ROBO2: variants seen among roughly 807,000 people sequenced by gnomAD.
The protein encoded by ROBO2 is roundabout homolog 2.
A neutral mutation model predicts 160.8 loss-of-function variants in ROBO2; 53 were observed. The ratio of observed to expected loss-of-function variants is 0.33; its 90% confidence interval spans 0.26 to 0.41. The LOEUF is 0.41. ROBO2 is among the 10% of genes least tolerant of loss of function. ROBO2 has a pLI of 1.00. For synonymous variants in ROBO2, 664 were observed against 611.7 expected (o/e 1.09, Z -1.26); for missense variants, 1,577 against 1,722.4 (o/e 0.92, Z 1.49).
At chr3:76,615,456 C>T (rs1243138813) in intron 2 of ROBO2, among the ~76,000 whole-genome samples, 1 of 151,956 alleles carries the variant, frequency 6.6e-6, no homozygotes, top group African/African-American at 2.4e-5. Flanking sequence ...CTTTTTAGTA[C>T]CATGAAATTC....
At chr3:76,562,677 C>T (rs1025213958) in intron 2 of ROBO2, among the ~76,000 whole-genome samples, 2 of 152,108 alleles carry the variant, frequency 1.3e-5, no homozygotes, top group African/African-American at 4.8e-5. Context: ...TAGTTTCTGC[C>T]ATTCATTTTT....
chr3:76,891,445 A>G (rs1314420055), intron 2 of ROBO2, among the ~76,000 whole-genome samples: 1 of 152,146 alleles, frequency 6.6e-6, no homozygotes, highest in Admixed American at 6.5e-5. Flanking sequence ...CTACTTTTCC[A>G]GCATTGTTTA....
intron 2 of ROBO2, among the ~76,000 whole-genome samples, chr3:77,474,680 A>G (rs2083773629): frequency 7.0e-6 from 1 of 142,978 alleles, no homozygotes; most frequent in Non-Finnish European, 1.6e-5. Context: ...ACACACACAC[A>G]CACACACACA....
chr3:77,388,072 G>A lies in ROBO2; in HGVS notation c.389-89342G>A, dbSNP rs185649179. 6.6e-5 allele frequency among the ~76,000 whole-genome samples: 10 copies of A among 151,858 alleles called. No individual in the cohort carries two copies. The East Asian group carries it at 1.6e-3, about 24-fold the overall frequency. ...ACCCCTGCCGAGTGGTCAGATATTT[G>A]TAGCAAATTTAGTTATACTCTCTTA... On this transcript the variant is annotated intron_variant, in intron 2 of 25. Coordinates refer to ENST00000461745, the Ensembl canonical transcript of ROBO2.
In ROBO2 at chr3:76,398,274, A is replaced by G. The variant is rs1260675607; in HGVS notation, c.109+460672A>G. Among the ~76,000 whole-genome samples the G allele has an allele frequency of 2.8e-5, 4 of 145,260 alleles. No homozygotes were observed. The South Asian group carries it at 9.0e-4, about 33-fold the overall frequency. ...CTCACTCATAGGTGGGAATTGAACAATGAGAACACATGGACACAGGAAGGG... is the reference window on the plus strand; with the variant it reads ...CTCACTCATAGGTGGGAATTGAACAGTGAGAACACATGGACACAGGAAGGG... On this transcript the variant is annotated intron_variant, in intron 2 of 26. Transcript: ENST00000487694.
intron 2 of ROBO2, among the ~76,000 whole-genome samples, chr3:76,993,105 A>G (rs1476851079): frequency 6.6e-6 from 1 of 152,166 alleles, no homozygotes; most frequent in Non-Finnish European, 1.5e-5. Context: ...GGCATGAGCC[A>G]CTGTGCCCAG....
intron 2 of ROBO2, among the ~76,000 whole-genome samples, chr3:76,846,344 C>T (rs200363041): frequency 6.6e-6 from 1 of 152,026 alleles, no homozygotes; most frequent in Non-Finnish European, 1.5e-5. Flanking sequence ...TTGCTTGTAG[C>T]GTGTTGCAAT....
intron 5 of ROBO2, among the ~76,000 whole-genome samples, chr3:77,507,215 C>G (rs1383599742): frequency 1.3e-5 from 2 of 152,096 alleles, no homozygotes; most frequent in East Asian, 3.9e-4. Flanking sequence ...TCCATAAACA[C>G]ATTTCAAGAG....
chr3:76,175,202 C>A (rs1470135464), intron 2 of ROBO2, among the ~76,000 whole-genome samples: 1 of 151,882 alleles, frequency 6.6e-6, no homozygotes, highest in East Asian at 1.9e-4. Context: ...GATTTTTGGA[C>A]ATTGATTTTG....
At chr3:76,605,734 G>C (rs2087598829) in intron 2 of ROBO2, among the ~76,000 whole-genome samples, 1 of 152,122 alleles carries the variant, frequency 6.6e-6, no homozygotes, top group South Asian at 2.1e-4. Flanking sequence ...TAAAGAATAA[G>C]TAGCACATCT....
intron 2 of ROBO2, among the ~76,000 whole-genome samples, chr3:76,537,138 A>C (rs994703592): frequency 1.3e-5 from 2 of 151,782 alleles, no homozygotes; most frequent in Non-Finnish European, 2.9e-5. Context: ...GATTCAGAGG[A>C]CTCTGAGGTT....
intron 2 of ROBO2, among the ~76,000 whole-genome samples, chr3:77,106,731 A>G (rs965132103): frequency 6.6e-6 from 1 of 152,246 alleles, no homozygotes; most frequent in Non-Finnish European, 1.5e-5. Context: ...TCCACTATAT[A>G]CCATTAGAAT....
intron 23 of ROBO2, chr3:77,634,313 A>G (rs1472858010): frequency 6.3e-6 from 1 of 159,204 alleles, no homozygotes; most frequent in South Asian, 1.8e-4. Context: ...GCCAAAAGAG[A>G]TAGAATTCAT....
At chr3:77,587,400 G>A (rs1276047508) in intron 16 of ROBO2, among the ~76,000 whole-genome samples, 1 of 152,026 alleles carries the variant, frequency 6.6e-6, no homozygotes, top group African/African-American at 2.4e-5. Flanking sequence ...AAGCAGTGAG[G>A]TAAACAAGTG....
At chr3:77,132,637 C>T (rs1011897341) in intron 2 of ROBO2, among the ~76,000 whole-genome samples, 4 of 151,350 alleles carry the variant, frequency 2.6e-5, no homozygotes, top group Non-Finnish European at 5.9e-5. Context: ...TCAACTATTG[C>T]AAATAGATGA....
chr3:77,373,424 G>A (rs747541610), intron 2 of ROBO2, among the ~76,000 whole-genome samples: 13 of 151,238 alleles, frequency 8.6e-5, no homozygotes, highest in Non-Finnish European at 1.3e-4. Context: ...CTATGTAAAT[G>A]TATATCTGTC....
At chr3:76,414,852 T>C (rs940851307) in intron 2 of ROBO2, among the ~76,000 whole-genome samples, 1 of 151,844 alleles carries the variant, frequency 6.6e-6, no homozygotes, top group Non-Finnish European at 1.5e-5. Context: ...AAAATTATTC[T>C]AAGGGAAGTG....
intron 2 of ROBO2, among the ~76,000 whole-genome samples, chr3:76,591,484 C>T (rs2086415133): frequency 6.6e-6 from 1 of 152,078 alleles, no homozygotes; most frequent in African/African-American, 2.4e-5. Flanking sequence ...AGCTTGTTCT[C>T]TATTTTTATA....
At chr3:76,555,412 A>AAGAAGAAGAAGAAGG (rs2083699506) in intron 2 of ROBO2, among the ~76,000 whole-genome samples, 1 of 70,790 alleles carries the variant, frequency 1.4e-5, no homozygotes, top group Admixed American at 1.9e-4. Context: ...GAAGAAGAAG[A>AAGAAGAAGAAGAAGG]AGAAGAAAGA....
Sources: gnomAD v4.1 joint callset for allele counts (sites outside exome capture counted in the v4.1 genomes callset) on GRCh38, gnomAD v4.1.1 for gene constraint, MANE v1.5 for transcripts, NCBI Gene and HGNC (gene_info 2026-07-23, HGNC 2026-07-21) for gene names.